CAPRIN2: variants seen among roughly 807,000 people sequenced by gnomAD.
CAPRIN2 encodes the protein caprin family member 2.
Under a neutral mutation model 130.4 loss-of-function variants are expected in CAPRIN2, and 66 were observed. The observed-to-expected ratio is 0.51, with a 90% confidence interval of 0.42 to 0.62. The LOEUF (loss-of-function observed/expected upper bound fraction) is 0.62. Among genes scored for constraint, CAPRIN2 ranks in the 20% least tolerant of loss-of-function variants. The pLI is 0.00. For missense variants in CAPRIN2, 1,185 were observed against 1,246.6 expected (o/e 0.95, Z 0.74); for synonymous variants, 471 against 444.1 (o/e 1.06, Z -0.76).
At position 30,733,650 on chromosome 12, in the gene CAPRIN2, T is replaced by C. The variant is rs779780045; in HGVS notation, c.871A>G (p.Lys291Glu). 6 of 1,613,100 alleles carry C rather than the reference T, an allele frequency of 3.7e-6. No homozygotes were observed. The South Asian group carries it at 6.6e-5, about 18-fold the overall frequency. Reference sequence around the variant, plus strand: ...TCACATGTCGTTCCTACCACTGCTTTCTCACTACCTTCCAAAAGGTCCCAA... The same window carrying C: ...TCACATGTCGTTCCTACCACTGCTTCCTCACTACCTTCCAAAAGGTCCCAA... The change falls in exon 5 of 17, where the codon AAA becomes GAA. Residue 291 changes from lysine (K) to glutamate (E), a missense_variant. Around this residue, in one of 2 missense-constraint regions of CAPRIN2, gnomAD observed 1,104 missense variants for 1,104.3 expected, o/e 1.00. Transcript: ENST00000298892.
At chr12:30,751,786 A>G (rs929360278) in intron 1 of CAPRIN2, 2 of 83,682 alleles carry the variant, frequency 2.4e-5, no homozygotes, top group Non-Finnish European at 4.7e-5. Context: ...ATTCTTTTCT[A>G]TCATTATCAT....
chr12:30,716,407 G>A (rs558520499), intron 13 of CAPRIN2, 101 bp downstream of exon 15: 8 of 1,082,222 alleles, frequency 7.4e-6, no homozygotes, highest in African/African-American at 4.8e-5. Context: ...TTACTGGTCA[G>A]GAAAATACTT....
At chr12:30,712,745 T>TA (rs1286791614) in intron 15 of CAPRIN2, among the ~76,000 whole-genome samples, 9 of 137,358 alleles carry the variant, frequency 6.6e-5, no homozygotes, top group African/African-American at 2.2e-4. Context: ...TTTTTTTTTT[T>TA]TTTTTTTTTT....
chr12:30,721,041 C>G (rs896235441), intron 11 of CAPRIN2, 126 bp from the exon 13 acceptor site: 1 of 661,886 alleles, frequency 1.5e-6, no homozygotes, highest in Admixed American at 2.4e-5. Flanking sequence ...CTCTGCTAAA[C>G]ACTTTATACG....
intron 11 of CAPRIN2, 27 bp from the exon 13 acceptor site, chr12:30,720,942 G>A: frequency 6.8e-7 from 1 of 1,472,002 alleles, no homozygotes; most frequent in Non-Finnish European, 9.5e-7. Flanking sequence ...ACAAAATATT[G>A]TAAAAGGCAC....
chr12:30,715,286 T>G, intron 13 of CAPRIN2, 145 bp from the exon 16 acceptor site: 1 of 667,856 alleles, frequency 1.5e-6, no homozygotes, highest in Non-Finnish European at 2.6e-6. Context: ...ATATAATTCA[T>G]CTACATGACT....
chr12:30,721,343 CA>C (rs1379890788), intron 11 of CAPRIN2, among the ~76,000 whole-genome samples: 1 of 139,318 alleles, frequency 7.2e-6, no homozygotes, highest in Non-Finnish European at 1.6e-5. Context: ...ACAGCTCTGC[CA>C]GAGATCATAG....
At position 30,718,023 on chromosome 12, in the gene CAPRIN2, T is replaced by A. The variant is rs868419377; in HGVS notation, c.2149-1347A>T. On this transcript the variant is annotated intron_variant, in intron 12 of 16. Coordinates refer to ENST00000298892, the Ensembl canonical transcript of CAPRIN2. ...ATCAATAAATGAGTAAGAACCAATG[T>A]GTACCGGGTAGGATTCAAACAGGCA... 7.9e-5 allele frequency among the ~76,000 whole-genome samples: 12 copies of A among 152,332 alleles called. No individual in the cohort carries two copies. The Middle Eastern group carries it at 0.017, about 216-fold the overall frequency.
At chr12:30,713,243 G>A (rs1201702329) in intron 15 of CAPRIN2, among the ~76,000 whole-genome samples, 1 of 152,208 alleles carries the variant, frequency 6.6e-6, no homozygotes, top group Non-Finnish European at 1.5e-5. Context: ...TTTTGTTAAA[G>A]TGGAATTTCT....
At chr12:30,727,005 G>A (rs1012244431) in intron 8 of CAPRIN2, among the ~76,000 whole-genome samples, 16 of 151,948 alleles carry the variant, frequency 1.1e-4, no homozygotes, top group African/African-American at 3.4e-4. Flanking sequence ...TCAATATAAC[G>A]CTATCTGTCC....
chr12:30,728,576 C>CT (rs1167564167), intron 8 of CAPRIN2, 72 bp downstream of exon 9: 1 of 1,081,014 alleles, frequency 9.3e-7, no homozygotes, highest in African/African-American at 1.7e-5. Context: ...AAAAAGAGAA[C>CT]TAAAAAGTCA....
intron 9 of CAPRIN2, 115 bp from the exon 11 acceptor site, chr12:30,724,566 G>A (rs2060342650): frequency 1.4e-6 from 1 of 697,154 alleles, no homozygotes; most frequent in Non-Finnish European, 2.5e-6. Context: ...TAAATATCTA[G>A]CTAAAGCTAT....
At chr12:30,754,015 A>G (rs886639228) in exon 1 of CAPRIN2, 5 of 432,844 alleles carry the variant, frequency 1.2e-5, no homozygotes, top group African/African-American at 7.8e-5. Context: ...ACCTCTTTAC[A>G]TGATCCCTCA....
intron 2 of CAPRIN2, among the ~76,000 whole-genome samples, chr12:30,743,066 T>C (rs376985546): frequency 6.8e-4 from 104 of 152,174 alleles, no homozygotes; most frequent in African/African-American, 2.4e-3. Flanking sequence ...CATCATCTAA[T>C]GTAGACCTAT....
chr12:30,715,175 T>A, intron 13 of CAPRIN2, 34 bp from the exon 16 acceptor site: 1 of 1,576,088 alleles, frequency 6.3e-7, no homozygotes, highest in Non-Finnish European at 8.7e-7. Flanking sequence ...GGTCCAAGAG[T>A]TAAATGGTAA....
intron 14 of CAPRIN2, 56 bp downstream of exon 16, chr12:30,714,903 C>G: frequency 2.1e-6 from 3 of 1,416,764 alleles, no homozygotes; most frequent in Non-Finnish European, 3.0e-6. Flanking sequence ...TGGTGTGAGT[C>G]AAGTAAACAC....
chr12:30,725,903 A>T (rs1208414253), intron 9 of CAPRIN2, 63 bp downstream of exon 10: 4 of 1,335,608 alleles, frequency 3.0e-6, no homozygotes, highest in Non-Finnish European at 4.0e-6. Context: ...TAATAATTTC[A>T]CTGTAATGTT....
Position 30,735,122 on chromosome 12 carries a change from G to T in CAPRIN2, c.655C>A (p.Gln219Lys), listed in dbSNP as rs761361999. Reference sequence around the variant, plus strand: ...AAGTTCTGCAATACATACTGAACTTGAAGTATAGTTCGAAGCTTTTTCTTC... The same window carrying T: ...AAGTTCTGCAATACATACTGAACTTTAAGTATAGTTCGAAGCTTTTTCTTC... Residue 219 changes from glutamine to lysine, a missense_variant, in exon 4 of 17, where the codon CAA becomes AAA. Gln to Lys is a moderately conservative substitution (Grantham distance 53, BLOSUM62 1). Around this residue, in one of 2 missense-constraint regions of CAPRIN2, gnomAD observed 1,104 missense variants for 1,104.3 expected, o/e 1.00. Coordinates refer to ENST00000298892, the Ensembl canonical transcript of CAPRIN2. The T allele has an allele frequency of 1.6e-5, 26 of 1,614,028 alleles. No individual in the cohort carries two copies. Among genetic ancestry groups the T allele is most frequent in the Non-Finnish European group, 2.0e-5 (24 of 1,180,030 alleles).
Position 30,731,508 on chromosome 12 carries a change from T to A in CAPRIN2, c.895A>T (p.Lys299Ter). The stretch of plus-strand genomic sequence containing the variant: ...TTAGACAGTAGATCCTTCAAGTGTT[T>A]GTCTAAGAAAGAGTGATTAAGACTT... Residue 299 changes from lysine to a stop codon, truncating the protein, a stop_gained and splice_region_variant, in exon 6 of 17, where the codon AAA (lysine) becomes TAA (stop). Transcript: ENST00000298892. LOFTEE classifies it high-confidence loss of function. 6.2e-7 allele frequency: 1 copy of A among 1,610,940 alleles called. No individual in the cohort carries two copies. Among genetic ancestry groups the A allele is most frequent in the Admixed American group, 1.7e-5 (1 of 59,732 alleles).
Sources: allele counts gnomAD v4.1 joint callset (sites outside exome capture counted in the v4.1 genomes callset), GRCh38; gene constraint gnomAD v4.1.1; regional missense constraint gnomAD v4.1.1; transcripts MANE v1.5; gene names NCBI Gene and HGNC (gene_info 2026-07-23, HGNC 2026-07-21).